Variants in LPCAT2 observed in about 807,000 individuals in gnomAD.
The protein encoded by LPCAT2 is 1-AGP acyltransferase 11.
A neutral mutation model predicts 64.7 loss-of-function variants in LPCAT2; 58 were observed. The ratio of observed to expected loss-of-function variants is 0.90; its 90% confidence interval spans 0.73 to 1.12. The LOEUF (loss-of-function observed/expected upper bound fraction) is 1.12, where lower values mean the gene tolerates loss of function less well. Among genes scored for constraint, LPCAT2 ranks in the 50% most tolerant of loss-of-function variants. The pLI, the probability that LPCAT2 is intolerant of heterozygous loss-of-function variation, is 0.00. For missense variants in LPCAT2, 579 were observed against 669.8 expected (o/e 0.86, Z 1.50); for synonymous variants, 252 against 245.3 (o/e 1.03, Z -0.26).
At chr16:55,521,017 T>G (rs1425497946) in intron 1 of LPCAT2, among the ~76,000 whole-genome samples, 1 of 151,684 alleles carries the variant, frequency 6.6e-6, no homozygotes, top group Non-Finnish European at 1.5e-5. Context: ...ATCAGTGAAA[T>G]AGAAAACAAA....
intron 11 of LPCAT2, among the ~76,000 whole-genome samples, chr16:55,565,444 G>A (rs184037462): frequency 2.1e-4 from 32 of 151,986 alleles, no homozygotes; most frequent in South Asian, 6.2e-4. Context: ...TAGCCAAAAG[G>A]GCAACCCAAG....
intron 1 of LPCAT2, among the ~76,000 whole-genome samples, chr16:55,524,591 A>G (rs1963142220): frequency 6.6e-6 from 1 of 151,844 alleles, no homozygotes; most frequent in Admixed American, 6.6e-5. Context: ...ATATATTGGC[A>G]TTTTTTCTAA....
At chr16:55,559,968 C>T (rs1419009624) in intron 11 of LPCAT2, among the ~76,000 whole-genome samples, 2 of 152,088 alleles carry the variant, frequency 1.3e-5, no homozygotes, top group African/African-American at 4.8e-5. Flanking sequence ...TCCATTTAGA[C>T]ATGAGAATTA....
intron 8 of LPCAT2, chr16:55,540,913 CA>C (rs1963388004): frequency 6.5e-6 from 1 of 153,484 alleles, no homozygotes; most frequent in Non-Finnish European, 1.4e-5. Flanking sequence ...ACAGTTGTAG[CA>C]ATATAGATAA....
At chr16:55,519,581 G>A (rs534169674) in intron 1 of LPCAT2, among the ~76,000 whole-genome samples, 1 of 151,766 alleles carries the variant, frequency 6.6e-6, no homozygotes, top group East Asian at 1.9e-4. Flanking sequence ...ACACCAGATT[G>A]AGACTTGGAT....
At chr16:55,544,565 A>G (rs1963432663) in intron 8 of LPCAT2, among the ~76,000 whole-genome samples, 1 of 152,202 alleles carries the variant, frequency 6.6e-6, no homozygotes, top group South Asian at 2.1e-4. Flanking sequence ...ACCTAGCATG[A>G]TGCCTGGTTT....
chr16:55,522,614 G>A (rs1963112772), intron 1 of LPCAT2, among the ~76,000 whole-genome samples: 1 of 151,658 alleles, frequency 6.6e-6, no homozygotes, highest in African/African-American at 2.4e-5. Context: ...AGGTGGTGGA[G>A]TATTGACAGA....
At chr16:55,526,675 A>G (rs780974685) in intron 2 of LPCAT2, among the ~76,000 whole-genome samples, 1 of 152,206 alleles carries the variant, frequency 6.6e-6, no homozygotes, top group Admixed American at 6.5e-5. Context: ...GTATAAAACA[A>G]TGCTTCAAGG....
Position 55,529,910 on chromosome 16 carries a change from T to A in LPCAT2, c.605T>A (p.Ile202Lys). The change falls in exon 4 of 14, where the codon ATA (isoleucine) becomes AAA (lysine). Residue 202 changes from isoleucine (I) to lysine (K), a missense_variant. Ile to Lys is a moderately radical substitution (Grantham distance 102, BLOSUM62 -3). Coordinates refer to ENST00000262134, the MANE Select transcript of LPCAT2 (RefSeq NM_017839.5). ...TCCCGAAAAAACACAATAAATGAAATAATAAAGCGAACAACATCAGGAGGA... is the reference window on the plus strand; with the variant it reads ...TCCCGAAAAAACACAATAAATGAAAAAATAAAGCGAACAACATCAGGAGGA... ...PDSRKNTINE[I>K]IKRTTSGGEW... The A allele has an allele frequency of 6.2e-7, 1 of 1,611,716 alleles. No homozygotes were observed. Among genetic ancestry groups the A allele is most frequent in the East Asian group, 2.2e-5 (1 of 44,824 alleles).
chr16:55,583,403 G>A lies in LPCAT2; in HGVS notation c.*305G>A, dbSNP rs1447783291. On this transcript the variant is annotated 3_prime_UTR_variant, in exon 14 of 14. Coordinates refer to ENST00000262134, the MANE Select transcript of LPCAT2 (RefSeq NM_017839.5). ...CAAATGAATGCAATGGTCTATTGGT[G>A]AGCATTGAGCAACACTGTATAAAGT... is the stretch of plus-strand genomic sequence containing the variant. The A allele has an allele frequency of 4.1e-5, 9 of 221,684 alleles. No individual in the cohort carries two copies. The highest frequency in any genetic ancestry group is 7.2e-5 in the Non-Finnish European group (8 of 110,480). 13.7% of individuals were successfully genotyped at this position (221,684 alleles called of 1,614,324 possible).
At chr16:55,516,769 A>G (rs1473764626) in intron 1 of LPCAT2, among the ~76,000 whole-genome samples, 1 of 152,196 alleles carries the variant, frequency 6.6e-6, no homozygotes, top group South Asian at 2.1e-4. Context: ...GACTTGAAGA[A>G]CACTATAAAC....
intron 6 of LPCAT2, 63 bp from the exon 7 acceptor site, chr16:55,534,380 G>A: frequency 1.1e-6 from 1 of 942,794 alleles, no homozygotes; most frequent in African/African-American, 1.6e-5. Context: ...ATTAAAATAA[G>A]ATCTTTATTT....
At chr16:55,512,575 C>A (rs909932269) in intron 1 of LPCAT2, among the ~76,000 whole-genome samples, 7 of 152,074 alleles carry the variant, frequency 4.6e-5, no homozygotes, top group African/African-American at 1.7e-4. Context: ...GTGGAAGTCC[C>A]AGAAAGGAGG....
Position 55,560,803 on chromosome 16 carries a change from A to T in LPCAT2, c.1215+9701A>T, listed in dbSNP as rs193003288. ...TTTACTACAAACTGTCACTATTTTT[A>T]AAAAATAATTCTCTTGAGGCATATT... is the stretch of plus-strand genomic sequence containing the variant. On this transcript the variant is annotated intron_variant, in intron 11 of 13. Transcript: ENST00000262134. Among the ~76,000 whole-genome samples, 91 of 152,154 alleles carry T rather than the reference A, an allele frequency of 6.0e-4. 2 individuals are homozygous for T. The highest frequency in any genetic ancestry group is 1.1e-3 in the Non-Finnish European group (74 of 67,934).
At chr16:55,537,203 G>T (rs1963334233) in intron 7 of LPCAT2, among the ~76,000 whole-genome samples, 5 of 152,066 alleles carry the variant, frequency 3.3e-5, no homozygotes, top group Admixed American at 2.0e-4. Flanking sequence ...TTCATTTGAT[G>T]ATTTAACTTT....
intron 8 of LPCAT2, chr16:55,541,364 T>G (rs1963394338): frequency 6.6e-6 from 1 of 152,204 alleles, no homozygotes; most frequent in Admixed American, 6.6e-5. Context: ...GATCAACAGC[T>G]ACATGTACAT....
In LPCAT2 at chr16:55,526,115, GT is replaced by G. The variant is rs143636959; in HGVS notation, c.311+469del. 520 of 152,188 alleles carry G rather than the reference GT, an allele frequency of 3.4e-3. 4 individuals carry two copies. The highest frequency in any genetic ancestry group is 7.9e-3 in the South Asian group (38 of 4,822). The allele number at this position is 152,188 out of a possible 1,614,324, so 9.4% of individuals were successfully genotyped here. A position where few individuals can be genotyped will look rare whatever the true frequency, so the allele number is the denominator to read the frequency against. ...TATACTATTTTTATTAATTACTTTA[GT>G]AGTAATTTCTATTAAAACAATTATT... On this transcript the variant is annotated intron_variant, in intron 2 of 13. Coordinates refer to ENST00000262134, the MANE Select transcript of LPCAT2 (RefSeq NM_017839.5).
intron 7 of LPCAT2, among the ~76,000 whole-genome samples, chr16:55,535,537 G>A (rs1038063498): frequency 6.6e-6 from 1 of 152,100 alleles, no homozygotes; most frequent in Non-Finnish European, 1.5e-5. Context: ...AACATAAATT[G>A]TAAAGGATAT....
At chr16:55,549,549 C>A in intron 10 of LPCAT2, 147 bp downstream of exon 10, 1 of 738,062 alleles carries the variant, frequency 1.4e-6, no homozygotes, top group Non-Finnish European at 2.0e-6. Context: ...ATTTATCTCA[C>A]ATTTTATTCA....
Sources: gnomAD v4.1 joint callset for allele counts (sites outside exome capture counted in the v4.1 genomes callset) on GRCh38, gnomAD v4.1.1 for gene constraint, MANE v1.5 for transcripts, NCBI Gene and HGNC (gene_info 2026-07-23, HGNC 2026-07-21) for gene names.